The following RNF150 variants were observed in gnomAD, a reference collection of about 807,000 sequenced individuals.
RNF150 encodes ring finger protein 150.
In RNF150, 24 loss-of-function variants were observed where a neutral mutation model predicts 39.3. The observed-to-expected ratio is 0.61, with a 90% CI of 0.44 to 0.86. The LOEUF (loss-of-function observed/expected upper bound fraction) is 0.86. Ranked by LOEUF, RNF150 falls within the 40% of genes least tolerant of loss-of-function variation. The pLI, the probability that RNF150 is intolerant of heterozygous loss-of-function variation, is 0.00. For synonymous variants in RNF150, 255 were observed against 227.3 expected (o/e 1.12, Z -1.10); for missense variants, 502 against 587.8 (o/e 0.85, Z 1.51).
At chr4:141,078,309 CCT>C (rs2110969894) in intron 1 of RNF150, among the ~76,000 whole-genome samples, 1 of 152,152 alleles carries the variant, frequency 6.6e-6, no homozygotes, top group African/African-American at 2.4e-5. Flanking sequence ...TCTCTCTTCC[CCT>C]CTTCTTAAAA....
At position 141,152,072 on chromosome 4, in the gene RNF150, G is replaced by C. The variant is rs573109871; in HGVS notation, c.-6+60722C>G. 2.6e-5 allele frequency among the ~76,000 whole-genome samples: 4 copies of C among 152,230 alleles called. No homozygotes were observed. The East Asian group carries it at 5.8e-4, about 22-fold the overall frequency. ...TGTCATTTGATCAATTTTAACAATG[G>C]CTTTTATGTAATCTGTTAATCCCTC... On this transcript the variant is annotated intron_variant, in intron 1 of 7. Transcript: ENST00000420921.
At chr4:141,019,080 A>ATATATATATATATATG (rs1174014870) in intron 1 of RNF150, among the ~76,000 whole-genome samples, 3 of 136,832 alleles carry the variant, frequency 2.2e-5, no homozygotes, top group African/African-American at 2.8e-5. Context: ...ATATATATAT[A>ATATATATATATATATG]TGGAACTTTA....
At chr4:141,170,991 C>A (rs1727707293) in intron 1 of RNF150, among the ~76,000 whole-genome samples, 1 of 152,100 alleles carries the variant, frequency 6.6e-6, no homozygotes, top group East Asian at 1.9e-4. Flanking sequence ...GCTGAGAACA[C>A]AAAGAGGAAT....
chr4:141,004,592 C>T (rs1734797465), intron 1 of RNF150, among the ~76,000 whole-genome samples: 1 of 152,194 alleles, frequency 6.6e-6, no homozygotes, highest in African/African-American at 2.4e-5. Flanking sequence ...TAAGAGGCTA[C>T]AGACCTAGGT....
intron 1 of RNF150, among the ~76,000 whole-genome samples, chr4:141,109,450 C>T (rs1739316477): frequency 6.6e-6 from 1 of 151,740 alleles, no homozygotes; most frequent in African/African-American, 2.4e-5. Context: ...TAAGTATATA[C>T]AAGCAGAAGA....
chr4:140,899,636 T>C (rs984175823), intron 6 of RNF150, among the ~76,000 whole-genome samples: 2 of 152,064 alleles, frequency 1.3e-5, no homozygotes, highest in African/African-American at 4.8e-5. Context: ...TGTGTGCTCC[T>C]TGGGAAGCCT....
chr4:141,198,856 G>A (rs1277332950), intron 1 of RNF150, among the ~76,000 whole-genome samples: 6 of 152,084 alleles, frequency 3.9e-5, no homozygotes, highest in Admixed American at 2.6e-4. Context: ...AACACCAAAA[G>A]CATAATTCAT....
chr4:140,966,678 T>C (rs1733255880), intron 2 of RNF150, among the ~76,000 whole-genome samples: 1 of 151,634 alleles, frequency 6.6e-6, no homozygotes, highest in African/African-American at 2.4e-5. Flanking sequence ...AAAAAAGTTA[T>C]AATATTCTTT....
chr4:140,986,390 T>C (rs369990181), intron 1 of RNF150, among the ~76,000 whole-genome samples: 17 of 152,218 alleles, frequency 1.1e-4, no homozygotes, highest in African/African-American at 3.6e-4. Flanking sequence ...AATGGTTTTG[T>C]TCTTTCTGAA....
At chr4:140,921,058 A>T (rs1389508105) in intron 5 of RNF150, among the ~76,000 whole-genome samples, 2 of 150,690 alleles carry the variant, frequency 1.3e-5, no homozygotes, top group African/African-American at 2.4e-5. Context: ...GAGGGATAGC[A>T]TTAGGAGATA....
intron 1 of RNF150, among the ~76,000 whole-genome samples, chr4:141,000,975 T>G (rs1478416849): frequency 1.3e-5 from 2 of 152,208 alleles, no homozygotes; most frequent in African/African-American, 4.8e-5. Flanking sequence ...AATTTATTTG[T>G]GGTCTTTGAA....
intron 1 of RNF150, among the ~76,000 whole-genome samples, chr4:141,060,441 TA>T: frequency 6.6e-6 from 1 of 152,160 alleles, no homozygotes; most frequent in Middle Eastern, 3.4e-3. Flanking sequence ...ACTCTGTCCC[TA>T]AAAAAACTAA....
At chr4:141,064,039 A>G (rs1737355773) in intron 1 of RNF150, among the ~76,000 whole-genome samples, 1 of 151,660 alleles carries the variant, frequency 6.6e-6, no homozygotes, top group African/African-American at 2.4e-5. Context: ...AGATTTAATG[A>G]AAGTTAAAAA....
chr4:140,919,871 G>A (rs1731030485), intron 5 of RNF150, among the ~76,000 whole-genome samples: 2 of 152,080 alleles, frequency 1.3e-5, no homozygotes, highest in Admixed American at 6.5e-5. Context: ...AGAGCCCTCA[G>A]AAATAACGCC....
intron 1 of RNF150, among the ~76,000 whole-genome samples, chr4:141,165,728 T>G (rs1046384490): frequency 6.6e-6 from 1 of 151,926 alleles, no homozygotes; most frequent in African/African-American, 2.4e-5. Context: ...AAGGCAGAAA[T>G]AAATAAGTTC....
chr4:140,941,083 TAAG>T (rs529219652), intron 4 of RNF150, among the ~76,000 whole-genome samples: 118 of 152,076 alleles, frequency 7.8e-4, no homozygotes, highest in African/African-American at 2.7e-3. Context: ...AAAAAAATAA[TAAG>T]AATAGAGACA....
chr4:140,942,330 G>A (rs183704851), intron 4 of RNF150, among the ~76,000 whole-genome samples: 10 of 152,324 alleles, frequency 6.6e-5, no homozygotes, highest in East Asian at 5.8e-4. Context: ...GATGGAGCCC[G>A]CCTCAGAGGC....
At chr4:141,171,201 C>T (rs960981388) in intron 1 of RNF150, among the ~76,000 whole-genome samples, 6 of 152,130 alleles carry the variant, frequency 3.9e-5, no homozygotes, top group African/African-American at 1.4e-4. Context: ...TACCTTTCCT[C>T]GCCAGCCCAC....
intron 1 of RNF150, among the ~76,000 whole-genome samples, chr4:141,030,998 T>TA (rs1735922813): frequency 6.6e-6 from 1 of 152,114 alleles, no homozygotes; most frequent in Admixed American, 6.5e-5. Context: ...AAATATTTTT[T>TA]AAAAAACAAT....
Sources: gnomAD v4.1 joint callset for allele counts (sites outside exome capture counted in the v4.1 genomes callset) on GRCh38, gnomAD v4.1.1 for gene constraint, MANE v1.5 for transcripts, NCBI Gene and HGNC (gene_info 2026-07-23, HGNC 2026-07-21) for gene names.